RASGRP1: variants seen among roughly 807,000 people sequenced by gnomAD.
The protein encoded by RASGRP1 is RAS guanyl releasing protein 1.
In RASGRP1, 37 loss-of-function variants were observed where a neutral mutation model predicts 95.1. The observed-to-expected ratio is 0.39, with a 90% CI of 0.30 to 0.51. The LOEUF is 0.51. RASGRP1 is among the 20% of genes least tolerant of loss of function. The pLI is 0.80. For synonymous variants in RASGRP1, 325 were observed against 353.4 expected, an observed-to-expected ratio of 0.92 and a Z score of 0.90; for missense variants, 711 against 965.4, an observed-to-expected ratio of 0.74 and a Z score of 3.49.
intron 2 of RASGRP1, among the ~76,000 whole-genome samples, chr15:38,542,229 A>T (rs1892894912): frequency 6.6e-6 from 1 of 152,148 alleles, no homozygotes; most frequent in African/African-American, 2.4e-5. Context: ...AAATAACAAC[A>T]AAAGCAGAAC....
chr15:38,524,853 GGAGT>G (rs1421816551), intron 3 of RASGRP1, among the ~76,000 whole-genome samples: 1 of 151,788 alleles, frequency 6.6e-6, no homozygotes, highest in Admixed American at 6.6e-5. Flanking sequence ...GATAGCTGGT[GGAGT>G]AAGATTCTGT....
At chr15:38,518,634 T>C (rs1031726768) in intron 4 of RASGRP1, among the ~76,000 whole-genome samples, 1 of 152,114 alleles carries the variant, frequency 6.6e-6, no homozygotes, top group Non-Finnish European at 1.5e-5. Flanking sequence ...ACAAATGCTG[T>C]GGTAGGATAA....
intron 9 of RASGRP1, among the ~76,000 whole-genome samples, chr15:38,506,750 T>C (rs1337489095): frequency 6.6e-6 from 1 of 152,184 alleles, no homozygotes; most frequent in Non-Finnish European, 1.5e-5. Flanking sequence ...ATGGATAGGC[T>C]TCAAGGATTT....
rs1555404362 is a variant in RASGRP1, at chr15:38,549,660, C to CCTCTCTGCTTCCCTCTTT, written c.220+10160_220+10161insAAAGAGGGAAGCAGAGAG. Among the ~76,000 whole-genome samples the CCTCTCTGCTTCCCTCTTT allele has an allele frequency of 1.5e-3, 233 of 151,454 alleles. 1 individual carries two copies. The highest frequency in any genetic ancestry group is 5.2e-3 in the African/African-American group (212 of 41,110). On this transcript the variant is annotated intron_variant, in intron 2 of 16. Coordinates refer to ENST00000310803, the MANE Select transcript of RASGRP1 (RefSeq NM_005739.4). ...AACCGGCAATCCCTGCTTCCCTCTT[C>CCTCTCTGCTTCCCTCTTT]CCCTCTGCTTCCCTCTTCCCCCTCT...
intron 2 of RASGRP1, among the ~76,000 whole-genome samples, chr15:38,557,163 A>G (rs1213065636): frequency 2.0e-5 from 3 of 152,172 alleles, no homozygotes; most frequent in Non-Finnish European, 4.4e-5. Flanking sequence ...AGACCTACGG[A>G]AGCACAGGCA....
chr15:38,544,743 C>T (rs1893043519), intron 2 of RASGRP1, among the ~76,000 whole-genome samples: 1 of 152,214 alleles, frequency 6.6e-6, no homozygotes, highest in South Asian at 2.1e-4. Flanking sequence ...AACTAAGATA[C>T]TCCGCAAGGC....
chr15:38,515,781 C>A (rs1270920725), intron 6 of RASGRP1, among the ~76,000 whole-genome samples: 4 of 150,442 alleles, frequency 2.7e-5, no homozygotes, highest in Non-Finnish European at 3.0e-5. Context: ...CCCCCGCACC[C>A]CCCCCCCTTT....
chr15:38,548,193 T>G (rs1383272835), intron 2 of RASGRP1, among the ~76,000 whole-genome samples: 1 of 152,188 alleles, frequency 6.6e-6, no homozygotes, highest in Non-Finnish European at 1.5e-5. Context: ...TTAGAGAAAT[T>G]TCCTAAAATC....
intron 2 of RASGRP1, among the ~76,000 whole-genome samples, chr15:38,557,777 A>G (rs1161772469): frequency 6.6e-6 from 1 of 152,132 alleles, no homozygotes; most frequent in African/African-American, 2.4e-5. Flanking sequence ...GCTGCTTGAT[A>G]ATGGATAAAA....
At chr15:38,507,399 T>G (rs2141103244) in intron 9 of RASGRP1, among the ~76,000 whole-genome samples, 1 of 152,278 alleles carries the variant, frequency 6.6e-6, no homozygotes, top group South Asian at 2.1e-4. Flanking sequence ...TTACCAAGAC[T>G]TGTATCCTGA....
intron 2 of RASGRP1, among the ~76,000 whole-genome samples, chr15:38,531,735 G>A (rs1382540147): frequency 6.6e-6 from 1 of 152,070 alleles, no homozygotes; most frequent in Non-Finnish European, 1.5e-5. Context: ...GTTAGGGAAA[G>A]AGCAGACAGA....
chr15:38,562,446 G>C (rs1198576276), intron 1 of RASGRP1, among the ~76,000 whole-genome samples: 4 of 152,196 alleles, frequency 2.6e-5, no homozygotes, highest in Non-Finnish European at 5.9e-5. Flanking sequence ...GTGCGCCCCA[G>C]GTGGGCGCCC....
At chr15:38,538,461 G>T (rs1307714073) in intron 2 of RASGRP1, among the ~76,000 whole-genome samples, 1 of 152,168 alleles carries the variant, frequency 6.6e-6, no homozygotes, top group Non-Finnish European at 1.5e-5. Context: ...CAGAAGAAAT[G>T]AACTACATTC....
At chr15:38,503,872 A>C (rs1298271972) in intron 10 of RASGRP1, 1 of 188,560 alleles carries the variant, frequency 5.3e-6, no homozygotes, top group Admixed American at 5.9e-5. Context: ...GAAATGTGTC[A>C]TGAGGTGATT....
intron 16 of RASGRP1, among the ~76,000 whole-genome samples, chr15:38,491,448 G>T (rs758791578): frequency 5.3e-5 from 8 of 152,154 alleles, no homozygotes; most frequent in Non-Finnish European, 1.2e-4. Context: ...AAAATAGGTT[G>T]TATACCTCAA....
chr15:38,494,803 T>C, intron 15 of RASGRP1, 36 bp from the exon 16 acceptor site: 1 of 1,383,462 alleles, frequency 7.2e-7, no homozygotes, highest in Non-Finnish European at 9.4e-7. Flanking sequence ...GTACTCTAGC[T>C]CAGGAAAGCA....
In RASGRP1 at chr15:38,503,335, A is replaced by C; in HGVS notation, c.1365T>G (p.Ala455=). ...GATCAGGTTTGGGAGACACTCCAGA[A>C]GCCCAGTCCACTACTACTGGTGGCT... The part of the protein sequence containing the change: ...PSKPPVVVDW[A]SGVSPKPDPK... The change falls in exon 11 of 17, where the codon GCT becomes GCG. Residue 455 remains alanine, a synonymous_variant. Transcript: ENST00000310803. 1 of 1,612,636 alleles carries C rather than the reference A, an allele frequency of 6.2e-7. No homozygotes were observed. The highest frequency in any genetic ancestry group is 8.5e-7 in the Non-Finnish European group (1 of 1,179,360).
In RASGRP1 at chr15:38,548,992, A is replaced by G. The variant is rs150681571; in HGVS notation, c.220+10829T>C. On this transcript the variant is annotated intron_variant, in intron 2 of 16. Coordinates refer to ENST00000310803, the MANE Select transcript of RASGRP1 (RefSeq NM_005739.4). The stretch of plus-strand genomic sequence containing the variant: ...TTCCTTTAGGGATTAAAGCAAGCCA[A>G]ACAGTCAGGTGGACCCCAGCATCCA... 3.3e-4 allele frequency among the ~76,000 whole-genome samples: 51 copies of G among 152,306 alleles called. No homozygotes were observed. The East Asian group carries it at 9.3e-3, about 28-fold the overall frequency.
intron 16 of RASGRP1, among the ~76,000 whole-genome samples, chr15:38,493,915 A>T (rs1021910772): frequency 2.0e-5 from 3 of 152,210 alleles, no homozygotes; most frequent in Non-Finnish European, 2.9e-5. Context: ...ATGATCCTAA[A>T]CCATAACCCT....
Sources: gnomAD v4.1 joint callset for allele counts (sites outside exome capture counted in the v4.1 genomes callset) on GRCh38, gnomAD v4.1.1 for gene constraint, MANE v1.5 for transcripts, NCBI Gene and HGNC (gene_info 2026-07-23, HGNC 2026-07-21) for gene names.